AKAP13: variants seen among roughly 807,000 people sequenced by gnomAD.
The protein encoded by AKAP13 is A-kinase anchor protein 13.
In AKAP13, 80 loss-of-function variants were observed where a neutral mutation model predicts 264.5. That is an observed-to-expected ratio of 0.30 (90% CI 0.25 to 0.36). The LOEUF (loss-of-function observed/expected upper bound fraction) is 0.36, where lower values mean the gene tolerates loss of function less well. Among genes scored for constraint, AKAP13 ranks in the 10% least tolerant of loss-of-function variants. AKAP13 has a pLI of 1.00. For missense variants in AKAP13, 3,712 were observed against 3,435.2 expected, an observed-to-expected ratio of 1.08 and a Z score of -2.01; for synonymous variants, 1,380 against 1,250.2, an observed-to-expected ratio of 1.10 and a Z score of -2.19.
intron 1 of AKAP13, among the ~76,000 whole-genome samples, chr15:85,483,616 G>T (rs949234586): frequency 3.3e-5 from 4 of 121,420 alleles, no homozygotes; most frequent in Admixed American, 9.4e-5. Flanking sequence ...CTGGGCGACA[G>T]AGCGAGACTC....
chr15:85,645,755 T>C, intron 9 of AKAP13, 63 bp from the exon 10 acceptor site: 1 of 1,501,286 alleles, frequency 6.7e-7, no homozygotes, highest in South Asian at 1.3e-5. Flanking sequence ...AAGTGGTTCT[T>C]TTTGTTTTTT....
intron 8 of AKAP13, among the ~76,000 whole-genome samples, chr15:85,592,295 G>T (rs1312257720): frequency 6.6e-6 from 1 of 152,028 alleles, no homozygotes; most frequent in Non-Finnish European, 1.5e-5. Flanking sequence ...CCTAGTCTAG[G>T]AATTTGGTTG....
chr15:85,548,427 T>G (rs1596493095), intron 5 of AKAP13, among the ~76,000 whole-genome samples: 1 of 152,262 alleles, frequency 6.6e-6, no homozygotes, highest in Non-Finnish European at 1.5e-5. Flanking sequence ...AGAAAGATGG[T>G]AGTATAGTAT....
chr15:85,692,366 T>G (rs952410752), intron 16 of AKAP13, among the ~76,000 whole-genome samples: 1 of 152,252 alleles, frequency 6.6e-6, no homozygotes, highest in African/African-American at 2.4e-5. Context: ...AATTGTCATA[T>G]GTTTTAAAAA....
intron 15 of AKAP13, among the ~76,000 whole-genome samples, chr15:85,683,250 T>C (rs1229022124): frequency 6.6e-6 from 1 of 152,208 alleles, no homozygotes. Flanking sequence ...ACTGCTGTAT[T>C]TTGTAAACAA....
At chr15:85,737,510 A>G (rs939042023) in intron 33 of AKAP13, among the ~76,000 whole-genome samples, 3 of 152,190 alleles carry the variant, frequency 2.0e-5, no homozygotes, top group Admixed American at 1.3e-4. Context: ...AAAGTCTCCA[A>G]GGAACTTTAT....
intron 3 of AKAP13, among the ~76,000 whole-genome samples, chr15:85,532,579 G>C (rs1179520164): frequency 6.6e-6 from 1 of 152,228 alleles, no homozygotes; most frequent in Non-Finnish European, 1.5e-5. Flanking sequence ...ATGGGAGAAG[G>C]ATGGTGATAG....
At chr15:85,738,844 CAAAAAAAAAAAAA>C (rs71468137) in intron 33 of AKAP13, among the ~76,000 whole-genome samples, 5 of 72,408 alleles carry the variant, frequency 6.9e-5, no homozygotes, top group Non-Finnish European at 1.2e-4. Context: ...GACTCCGTCT[CAAAAAAAAAAAAA>C]AAAAAAAAAA....
At chr15:85,617,268 G>A (rs1317062060) in intron 8 of AKAP13, among the ~76,000 whole-genome samples, 3 of 152,104 alleles carry the variant, frequency 2.0e-5, no homozygotes, top group Non-Finnish European at 4.4e-5. Flanking sequence ...TTTTTGAGGC[G>A]GAGTCTTGCT....
intron 4 of AKAP13, chr15:85,536,539 T>G (rs1238823685): frequency 6.6e-6 from 1 of 152,230 alleles, no homozygotes; most frequent in Non-Finnish European, 1.5e-5. Context: ...CATAGTAATG[T>G]TATTCATAAT....
intron 8 of AKAP13, among the ~76,000 whole-genome samples, chr15:85,613,691 A>ATATATATATATATGTGTGT (rs1555450578): frequency 1.1e-5 from 1 of 91,966 alleles, no homozygotes; most frequent in African/African-American, 4.6e-5. Flanking sequence ...AAAAAAAAAA[A>ATATATATATATATGTGTGT]ATATATATAT....
At chr15:85,386,303 T>A (rs1308185903) in intron 1 of AKAP13, among the ~76,000 whole-genome samples, 3 of 152,112 alleles carry the variant, frequency 2.0e-5, no homozygotes, top group Non-Finnish European at 4.4e-5. Context: ...TACAAGTTAT[T>A]ATTTTTTTTT....
At chr15:85,447,244 T>G (rs939564370) in intron 1 of AKAP13, among the ~76,000 whole-genome samples, 6 of 152,090 alleles carry the variant, frequency 3.9e-5, no homozygotes, top group Non-Finnish European at 5.9e-5. Context: ...TCCAGCCTGG[T>G]GACAGAGTGA....
intron 1 of AKAP13, among the ~76,000 whole-genome samples, chr15:85,478,026 T>G (rs1412013362): frequency 6.6e-6 from 1 of 152,220 alleles, no homozygotes; most frequent in Non-Finnish European, 1.5e-5. Flanking sequence ...ATGGTTTGCT[T>G]CTTCCAGTAA....
intron 1 of AKAP13, among the ~76,000 whole-genome samples, chr15:85,449,472 G>A (rs1224423820): frequency 6.6e-6 from 1 of 152,178 alleles, no homozygotes; most frequent in African/African-American, 2.4e-5. Flanking sequence ...ATGTTGAATA[G>A]AAGTGGTGAG....
chr15:85,389,871 G>T (rs974555328), intron 1 of AKAP13: 1 of 152,230 alleles, frequency 6.6e-6, no homozygotes, highest in Admixed American at 6.5e-5. Context: ...GATTCTAAAA[G>T]ATCTGTAACA....
At chr15:85,477,637 GAAAA>G (rs1309806715) in intron 1 of AKAP13, among the ~76,000 whole-genome samples, 2 of 49,710 alleles carry the variant, frequency 4.0e-5, no homozygotes, top group South Asian at 7.4e-4. Context: ...TTAAAAAAAG[GAAAA>G]AAAAAAAAAA....
intron 9 of AKAP13, among the ~76,000 whole-genome samples, chr15:85,639,763 T>C (rs1401463410): frequency 3.3e-5 from 5 of 152,240 alleles, no homozygotes; most frequent in Non-Finnish European, 7.3e-5. Flanking sequence ...TAACCAAACC[T>C]GAGGTTCTCA....
intron 8 of AKAP13, among the ~76,000 whole-genome samples, chr15:85,615,673 T>G (rs946464830): frequency 3.3e-5 from 5 of 152,222 alleles, no homozygotes; most frequent in African/African-American, 9.6e-5. Context: ...TCCCATTTCA[T>G]GTGAAGAACA....
Sources: gnomAD v4.1 joint callset for allele counts (sites outside exome capture counted in the v4.1 genomes callset) on GRCh38, gnomAD v4.1.1 for gene constraint, MANE v1.5 for transcripts, NCBI Gene and HGNC (gene_info 2026-07-23, HGNC 2026-07-21) for gene names.